Variants in GM2A observed in about 807,000 individuals in gnomAD.
GM2A encodes the protein ganglioside GM2 activator.
In GM2A, 7 loss-of-function variants were observed where a neutral mutation model predicts 12.9. The ratio of observed to expected loss-of-function variants is 0.54; its 90% CI spans 0.31 to 1.02. The LOEUF (loss-of-function observed/expected upper bound fraction) is 1.02, where lower values mean the gene tolerates loss of function less well. GM2A is among the 50% of genes least tolerant of loss of function. The probability of loss-of-function intolerance (pLI) is 0.05; values close to 1 mark genes in which losing one functional copy is unlikely to be tolerated. For synonymous variants in GM2A, 101 were observed against 96.0 expected, an observed-to-expected ratio of 1.05 and a Z score of -0.30; for missense variants, 246 against 241.0, an observed-to-expected ratio of 1.02 and a Z score of -0.14.
Position 151,268,541 on chromosome 5 carries a change from G to A in GM2A, c.*1090G>A. The A allele has an allele frequency of 3.0e-6, 3 of 985,356 alleles. No individual in the cohort carries two copies. Among genetic ancestry groups the A allele is most frequent in the Admixed American group, 6.1e-5 (1 of 16,284 alleles). 61.0% of individuals were successfully genotyped at this position (985,356 alleles called of 1,614,324 possible). On this transcript the variant is annotated 3_prime_UTR_variant, in exon 4 of 4. Coordinates refer to ENST00000357164, the MANE Select transcript of GM2A (RefSeq NM_000405.5). The stretch of plus-strand genomic sequence containing the variant: ...CACATGTGCCCATTGATACAAGGCT[G>A]CTGAGGCCTGGTCTCCAGTTGGAAA...
chr5:151,267,677 C>A lies in GM2A; in HGVS notation c.*226C>A. On this transcript the variant is annotated 3_prime_UTR_variant, in exon 4 of 4. Transcript: ENST00000357164. Reference sequence around the variant, plus strand: ...TTGGACAGTTCTTGATAGCCCAGGGCATCTGCTGGGCTGACCACGTTACTC... The same window carrying A: ...TTGGACAGTTCTTGATAGCCCAGGGAATCTGCTGGGCTGACCACGTTACTC... 2 of 1,486,820 alleles carry A rather than the reference C, an allele frequency of 1.3e-6. No homozygotes were observed. The highest frequency in any genetic ancestry group is 1.8e-6 in the Non-Finnish European group (2 of 1,115,198). The allele number at this position is 1,486,820 out of a possible 1,614,324, so 92.1% of individuals were successfully genotyped here. A position where few individuals can be genotyped will look rare whatever the true frequency, so the allele number is the denominator to read the frequency against.
Position 151,269,946 on chromosome 5 carries a change from C to T in GM2A, c.*2495C>T. On this transcript the variant is annotated 3_prime_UTR_variant, in exon 4 of 4. Transcript: ENST00000357164. ...TCCCAATGCCGGGGATCTGACACCTCACCTGGCAATGACCTCCACAGCCGT... is the reference window on the plus strand; with the variant it reads ...TCCCAATGCCGGGGATCTGACACCTTACCTGGCAATGACCTCCACAGCCGT... 4.2e-6 allele frequency: 5 copies of T among 1,204,534 alleles called. No homozygotes were observed. The highest frequency in any genetic ancestry group is 5.2e-6 in the Non-Finnish European group (5 of 970,786). 74.6% of individuals were successfully genotyped at this position (1,204,534 alleles called of 1,614,324 possible).
intron 2 of GM2A, among the ~76,000 whole-genome samples, chr5:151,261,892 G>T (rs1014798369): frequency 2.6e-5 from 4 of 152,088 alleles, no homozygotes; most frequent in Non-Finnish European, 5.9e-5. Flanking sequence ...TTTTTTGTTT[G>T]TTTGTTTTTT....
intron 1 of GM2A, among the ~76,000 whole-genome samples, chr5:151,254,942 C>T (rs1753656244): frequency 6.6e-6 from 1 of 152,128 alleles, no homozygotes; most frequent in Non-Finnish European, 1.5e-5. Context: ...TTCAAAACAA[C>T]TAAGAGAATA....
chr5:151,263,765 T>TG (rs1753837972), intron 2 of GM2A, among the ~76,000 whole-genome samples: 1 of 152,144 alleles, frequency 6.6e-6, no homozygotes, highest in Non-Finnish European at 1.5e-5. Flanking sequence ...TTGGGGTCCA[T>TG]GGGGCTTCAA....
rs1753944338 is a variant in GM2A at position 151,268,603 on chromosome 5, G to A, written c.*1152G>A. On this transcript the variant is annotated 3_prime_UTR_variant, in exon 4 of 4. Transcript: ENST00000357164. ...GTGGCAAGGACTGGAGTCAGTTGGA[G>A]AGTGCATAGCCAGTCTGTGAAGACA... The A allele has an allele frequency of 1.1e-6, 1 of 920,216 alleles. No individual in the cohort carries two copies. The highest frequency in any genetic ancestry group is 1.8e-5 in the African/African-American group (1 of 55,940). The allele number at this position is 920,216 out of a possible 1,614,324, so 57.0% of individuals were successfully genotyped here.
Position 151,268,052 on chromosome 5 carries a change from T to G in GM2A, c.*601T>G. 1 of 1,007,262 alleles carries G rather than the reference T, an allele frequency of 9.9e-7. No homozygotes were observed. The highest frequency in any genetic ancestry group is 1.2e-6 in the Non-Finnish European group (1 of 842,416). 62.4% of individuals were successfully genotyped at this position (1,007,262 alleles called of 1,614,324 possible). A position where few individuals can be genotyped will look rare whatever the true frequency, so the allele number is the denominator to read the frequency against. ...AATCCCTTGGGGGAGATATTAGGAG[T>G]GCTCTGTTGTTTACAAACTCAGGTA... On this transcript the variant is annotated 3_prime_UTR_variant, in exon 4 of 4. Coordinates refer to ENST00000357164, the MANE Select transcript of GM2A (RefSeq NM_000405.5).
At position 151,269,563 on chromosome 5, in the gene GM2A, G is replaced by A. The variant is rs1376794281; in HGVS notation, c.*2112G>A. 11 of 524,316 alleles carry A rather than the reference G, an allele frequency of 2.1e-5. No homozygotes were observed. The highest frequency in any genetic ancestry group is 2.4e-5 in the Non-Finnish European group (10 of 408,446). The allele number at this position is 524,316 out of a possible 1,614,324, so 32.5% of individuals were successfully genotyped here. A position where few individuals can be genotyped will look rare whatever the true frequency, so the allele number is the denominator to read the frequency against. Reference sequence around the variant, plus strand: ...ATTTAAAAGGGAGCAAAGACCACCTGGTGACTATCAGGCCATGCAGAGGCA... The same window carrying A: ...ATTTAAAAGGGAGCAAAGACCACCTAGTGACTATCAGGCCATGCAGAGGCA... On this transcript the variant is annotated 3_prime_UTR_variant, in exon 4 of 4. Transcript: ENST00000357164.
intron 1 of GM2A, among the ~76,000 whole-genome samples, chr5:151,258,745 G>C (rs1753740048): frequency 6.6e-6 from 1 of 152,176 alleles, no homozygotes; most frequent in Non-Finnish European, 1.5e-5. Context: ...GCCTAGCTGG[G>C]GTTAGGTGAT....
At chr5:151,262,194 A>T (rs1036021846) in intron 2 of GM2A, among the ~76,000 whole-genome samples, 3 of 152,208 alleles carry the variant, frequency 2.0e-5, no homozygotes, top group Non-Finnish European at 2.9e-5. Context: ...TCATATATCC[A>T]TTGCAACACC....
At chr5:151,266,447 C>CAAAAAAAAAAAAAAAAAAAAAA (rs59997121) in intron 2 of GM2A, among the ~76,000 whole-genome samples, 29 of 106,120 alleles carry the variant, frequency 2.7e-4, no homozygotes, top group South Asian at 5.9e-4. Context: ...AGCCATGATA[C>CAAAAAAAAAAAAAAAAAAAAAA]AAAAAAAAAA....
At chr5:151,260,485 G>A (rs971172121) in intron 2 of GM2A, among the ~76,000 whole-genome samples, 2 of 152,118 alleles carry the variant, frequency 1.3e-5, no homozygotes, top group African/African-American at 4.8e-5. Context: ...GGGCGTGGTG[G>A]CATGTGCCTG....
Position 151,259,647 on chromosome 5 carries a change from C to T in GM2A, c.82-108C>T, listed in dbSNP as rs1395703795. On this transcript the variant is annotated intron_variant, in intron 1 of 3. Coordinates refer to ENST00000357164, the MANE Select transcript of GM2A (RefSeq NM_000405.5). Reference sequence around the variant, plus strand: ...TAGATGAGGCTCAGGGACGGGGGTGCCTCACCCAAGGTCACTCTGCCAGGA... The same window carrying T: ...TAGATGAGGCTCAGGGACGGGGGTGTCTCACCCAAGGTCACTCTGCCAGGA... 9.4e-6 allele frequency: 9 copies of T among 953,002 alleles called. No homozygotes were observed. The East Asian group carries it at 1.0e-4, about 11-fold the overall frequency. 59.0% of individuals were successfully genotyped at this position (953,002 alleles called of 1,614,324 possible).
At position 151,267,386 on chromosome 5, in the gene GM2A, G is replaced by A. The variant is rs532003642; in HGVS notation, c.517G>A (p.Val173Ile). Residue 173 changes from valine (V) to isoleucine (I), a missense_variant, in exon 4 of 4, where the codon GTC (valine) becomes ATC (isoleucine). Physicochemically the swap from Val to Ile is conservative, Grantham distance 29. Transcript: ENST00000357164. ...LTTGNYRIES[V>I]LSSSGKRLGC... ...CACCGGGAACTACCGCATAGAGAGC[G>A]TCCTGAGCAGCAGTGGGAAGCGTCT... 91 of 1,614,176 alleles carry A rather than the reference G, an allele frequency of 5.6e-5. No homozygotes were observed. Among genetic ancestry groups the A allele is most frequent in the East Asian group, 5.3e-4 (24 of 44,880 alleles).
rs1300045647 is a variant in GM2A at position 151,253,244 on chromosome 5, C to T, written c.28C>T (p.Leu10=). The change falls in exon 1 of 4, where the codon CTG becomes TTG. Residue 10 remains leucine, a synonymous_variant. Coordinates refer to ENST00000357164, the MANE Select transcript of GM2A (RefSeq NM_000405.5). MQSLMQAPL[L]IALGLLLAAP... ...GCAGTCCCTGATGCAGGCTCCCCTCCTGATCGCCCTGGGCTTGCTTCTCGC... is the reference window on the plus strand; with the variant it reads ...GCAGTCCCTGATGCAGGCTCCCCTCTTGATCGCCCTGGGCTTGCTTCTCGC... The T allele has an allele frequency of 1.2e-6, 2 of 1,614,088 alleles. No individual in the cohort carries two copies. Among genetic ancestry groups the T allele is most frequent in the African/African-American group, 1.3e-5 (1 of 75,074 alleles).
rs372430796 is a variant in GM2A at position 151,267,671 on chromosome 5, C to T, written c.*220C>T. 49 of 1,494,894 alleles carry T rather than the reference C, an allele frequency of 3.3e-5. No individual in the cohort carries two copies. The highest frequency in any genetic ancestry group is 2.1e-5 in the Non-Finnish European group (23 of 1,120,796). 92.6% of individuals were successfully genotyped at this position (1,494,894 alleles called of 1,614,324 possible). On this transcript the variant is annotated 3_prime_UTR_variant, in exon 4 of 4. Coordinates refer to ENST00000357164, the MANE Select transcript of GM2A (RefSeq NM_000405.5). ...AATGAGTTGGACAGTTCTTGATAGC[C>T]CAGGGCATCTGCTGGGCTGACCACG...
chr5:151,257,702 G>A (rs1204715999), intron 1 of GM2A, among the ~76,000 whole-genome samples: 1 of 152,106 alleles, frequency 6.6e-6, no homozygotes, highest in Non-Finnish European at 1.5e-5. Flanking sequence ...ACCTCATCTG[G>A]GTCCCTCATC....
intron 1 of GM2A, 22 bp from the exon 2 acceptor site, chr5:151,259,733 C>T (rs1200610312): frequency 6.2e-7 from 1 of 1,611,198 alleles, no homozygotes; most frequent in South Asian, 1.1e-5. Flanking sequence ...CTTCTCCTTC[C>T]TTGCTGCCTG....
chr5:151,268,640 C>T lies in GM2A; in HGVS notation c.*1189C>T. ...AGTCTGTGAAGACAACTGCCAGATA[C>T]TGGCAATACTCCAGCCTGGTGACAG... is the stretch of plus-strand genomic sequence containing the variant. On this transcript the variant is annotated 3_prime_UTR_variant, in exon 4 of 4. Coordinates refer to ENST00000357164, the MANE Select transcript of GM2A (RefSeq NM_000405.5). 2 of 729,184 alleles carry T rather than the reference C, an allele frequency of 2.7e-6. No homozygotes were observed. Among genetic ancestry groups the T allele is most frequent in the Non-Finnish European group, 3.4e-6 (2 of 596,196 alleles). 45.2% of individuals were successfully genotyped at this position (729,184 alleles called of 1,614,324 possible). A position where few individuals can be genotyped will look rare whatever the true frequency, so the allele number is the denominator to read the frequency against.
Sources: gnomAD v4.1 joint callset for allele counts (sites outside exome capture counted in the v4.1 genomes callset) on GRCh38, gnomAD v4.1.1 for gene constraint, MANE v1.5 for transcripts, NCBI Gene and HGNC (gene_info 2026-07-23, HGNC 2026-07-21) for gene names.